PRKG1: variants seen among roughly 807,000 people sequenced by gnomAD.
The protein encoded by PRKG1 is protein kinase cGMP-dependent 1.
Under a neutral mutation model 88.1 loss-of-function variants are expected in PRKG1, and 35 were observed. That is an observed-to-expected ratio of 0.40 (90% CI 0.30 to 0.53). PRKG1 has a LOEUF of 0.53. Ranked by LOEUF, PRKG1 falls within the 20% of genes least tolerant of loss-of-function variation. The pLI, the probability that PRKG1 is intolerant of heterozygous loss-of-function variation, is 0.59. For missense variants in PRKG1, 540 were observed against 839.8 expected, an observed-to-expected ratio of 0.64 and a Z score of 4.41; for synonymous variants, 303 against 292.5, an observed-to-expected ratio of 1.04 and a Z score of -0.37.
Position 51,697,899 on chromosome 10 carries a change from C to G in PRKG1, c.593-106686C>G, listed in dbSNP as rs1471473078. On this transcript the variant is annotated intron_variant, in intron 3 of 17. Transcript: ENST00000373980. ...GGCTGGCTTCCACCTTGCTTGCTTG[C>G]CCCCTGTATACCTCCTCCTTGTATA... 2.5e-6 allele frequency: 4 copies of G among 1,609,038 alleles called. No homozygotes were observed. In the Admixed American group the frequency reaches 6.8e-5, roughly 27 times the overall value.
intron 5 of PRKG1, chr10:52,046,624 G>C (rs1845869627): frequency 6.6e-6 from 1 of 152,118 alleles, no homozygotes; most frequent in African/African-American, 2.4e-5. Flanking sequence ...ATGGCATAGG[G>C]AAGTTAAGTG....
chr10:51,605,570 C>T (rs1838743388), intron 3 of PRKG1, among the ~76,000 whole-genome samples: 2 of 152,180 alleles, frequency 1.3e-5, no homozygotes, highest in Non-Finnish European at 2.9e-5. Flanking sequence ...AGATTTCCTC[C>T]CATTCCAAGG....
chr10:51,429,558 G>T (rs1482665311), intron 2 of PRKG1, among the ~76,000 whole-genome samples: 2 of 151,940 alleles, frequency 1.3e-5, no homozygotes, highest in East Asian at 1.9e-4. Context: ...TCTGTTCAAA[G>T]AACTAAAAGA....
intron 1 of PRKG1, among the ~76,000 whole-genome samples, chr10:51,137,829 G>A (rs1845724634): frequency 6.6e-6 from 1 of 152,118 alleles, no homozygotes; most frequent in African/African-American, 2.4e-5. Flanking sequence ...GGAAGAAAAG[G>A]TCACACCAGT....
intron 2 of PRKG1, among the ~76,000 whole-genome samples, chr10:51,427,081 T>C (rs1838610639): frequency 6.6e-6 from 1 of 152,208 alleles, no homozygotes; most frequent in Non-Finnish European, 1.5e-5. Flanking sequence ...CAAAATATTG[T>C]TTATTTCCCC....
At chr10:51,981,353 A>T (rs1193444765) in intron 5 of PRKG1, among the ~76,000 whole-genome samples, 1 of 152,206 alleles carries the variant, frequency 6.6e-6, no homozygotes, top group Non-Finnish European at 1.5e-5. Context: ...TGGGAGGCCA[A>T]GGTGGGTGGA....
intron 3 of PRKG1, among the ~76,000 whole-genome samples, chr10:51,510,744 ATTT>A (rs71459420): frequency 8.9e-5 from 12 of 134,176 alleles, no homozygotes; most frequent in Admixed American, 7.5e-5. Context: ...GCATTGTACT[ATTT>A]TTTTTTTTTT....
In PRKG1 at chr10:52,249,285, T is replaced by C. The variant is rs145142629; in HGVS notation, c.1077-2285T>C. ...GATAGCTACTTATCTCCTGGGCCAT[T>C]TTAATCCACCCCAAAAATCTTGTGT... On this transcript the variant is annotated intron_variant, in intron 9 of 17. Coordinates refer to ENST00000373980, the MANE Select transcript of PRKG1 (RefSeq NM_006258.4). 5.9e-3 allele frequency among the ~76,000 whole-genome samples: 900 copies of C among 151,530 alleles called. 3 individuals are homozygous for C. Among genetic ancestry groups the C allele is most frequent in the Non-Finnish European group, 9.1e-3 (615 of 67,916 alleles).
chr10:51,452,034 T>C (rs905973050), intron 2 of PRKG1, among the ~76,000 whole-genome samples: 2 of 151,958 alleles, frequency 1.3e-5, no homozygotes, highest in East Asian at 3.8e-4. Flanking sequence ...GTGCTAATCT[T>C]TATTTTTAAC....
chr10:51,735,880 TGTA>T lies in PRKG1; in HGVS notation c.593-68704_593-68702del, dbSNP rs1564626584. On this transcript the variant is annotated intron_variant, in intron 3 of 17. Transcript: ENST00000373980. ...ATATATATATATATATATATATATA[TGTA>T]TATTTATTTATTTATTTATTTATTT... is the stretch of plus-strand genomic sequence containing the variant. 4.7e-3 allele frequency among the ~76,000 whole-genome samples: 553 copies of T among 116,624 alleles called. 6 individuals carry two copies. Among genetic ancestry groups the T allele is most frequent in the African/African-American group, 0.02 (515 of 25,198 alleles). 76.5% of individuals were successfully genotyped at this position (116,624 alleles called of 152,430 possible). A position where few individuals can be genotyped will look rare whatever the true frequency, so the allele number is the denominator to read the frequency against.
At chr10:51,906,464 A>G (rs1284117568) in intron 4 of PRKG1, among the ~76,000 whole-genome samples, 1 of 152,150 alleles carries the variant, frequency 6.6e-6, no homozygotes, top group Non-Finnish European at 1.5e-5. Context: ...AGTACATATA[A>G]GGTATATATT....
At chr10:51,555,046 A>T (rs967916031) in intron 3 of PRKG1, among the ~76,000 whole-genome samples, 1 of 151,956 alleles carries the variant, frequency 6.6e-6, no homozygotes, top group African/African-American at 2.4e-5. Flanking sequence ...TGAGAATAGT[A>T]AGGGAGAAAA....
intron 3 of PRKG1, among the ~76,000 whole-genome samples, chr10:51,739,543 T>C (rs1837378294): frequency 2.0e-5 from 3 of 152,120 alleles, no homozygotes; most frequent in Non-Finnish European, 4.4e-5. Context: ...TGAATTAATA[T>C]AACTAGAAAT....
At chr10:52,184,081 T>G (rs1003210028) in intron 9 of PRKG1, among the ~76,000 whole-genome samples, 1 of 152,198 alleles carries the variant, frequency 6.6e-6, no homozygotes, top group African/African-American at 2.4e-5. Context: ...CCTTTGACAC[T>G]CCAATGAAAT....
chr10:51,611,414 G>A (rs1395943844), intron 3 of PRKG1, among the ~76,000 whole-genome samples: 1 of 151,442 alleles, frequency 6.6e-6, no homozygotes, highest in Non-Finnish European at 1.5e-5. Context: ...TTGGCCATTT[G>A]TATGTCTTCT....
intron 7 of PRKG1, among the ~76,000 whole-genome samples, chr10:52,126,409 G>T (rs894323325): frequency 2.6e-5 from 4 of 151,946 alleles, no homozygotes; most frequent in Non-Finnish European, 5.9e-5. Flanking sequence ...GGTTTGTAAG[G>T]CTATTCACCA....
At chr10:51,748,778 C>T (rs1204753902) in intron 3 of PRKG1, among the ~76,000 whole-genome samples, 1 of 152,168 alleles carries the variant, frequency 6.6e-6, no homozygotes, top group Non-Finnish European at 1.5e-5. Flanking sequence ...GATTTATAAA[C>T]TTACAATTAT....
rs1350768136 is a variant in PRKG1 at position 51,827,974 on chromosome 10, G to A, written c.698+23284G>A. ...TTAGAACTTTTAAAATGATGGTAAT[G>A]TCAGGCTTTGAGACTGTGGACAACT... On this transcript the variant is annotated intron_variant, in intron 4 of 17. Coordinates refer to ENST00000373980, the MANE Select transcript of PRKG1 (RefSeq NM_006258.4). 3.9e-5 allele frequency among the ~76,000 whole-genome samples: 6 copies of A among 152,264 alleles called. No homozygotes were observed. In the South Asian group the frequency reaches 8.3e-4, roughly 21 times the overall value.
rs577300610 is a variant in PRKG1 at position 51,115,892 on chromosome 10, T to C, written c.312-37272T>C. ...AGTACCAAAATTCCTTTTTAAGAATTGTCATAGTGCAAACATAGAGAAGAA... is the reference window on the plus strand; with the variant it reads ...AGTACCAAAATTCCTTTTTAAGAATCGTCATAGTGCAAACATAGAGAAGAA... On this transcript the variant is annotated intron_variant, in intron 1 of 17. Coordinates refer to ENST00000373980, the MANE Select transcript of PRKG1 (RefSeq NM_006258.4). Among the ~76,000 whole-genome samples, 150 of 151,254 alleles carry C rather than the reference T, an allele frequency of 9.9e-4. 1 individual carries two copies. The highest frequency in any genetic ancestry group is 3.5e-3 in the African/African-American group (144 of 41,248).
Sources: gnomAD v4.1 joint callset for allele counts (sites outside exome capture counted in the v4.1 genomes callset) on GRCh38, gnomAD v4.1.1 for gene constraint, MANE v1.5 for transcripts, NCBI Gene and HGNC (gene_info 2026-07-23, HGNC 2026-07-21) for gene names.